Variants in RNF170 observed in about 807,000 individuals in gnomAD.
RNF170 encodes ring finger protein 170.
In RNF170, 12 loss-of-function variants were observed where a neutral mutation model predicts 32.7. That is an observed-to-expected ratio of 0.37 (90% CI 0.24 to 0.60). The LOEUF is 0.60. RNF170 is among the 20% of genes least tolerant of loss of function. The pLI is 0.72. For synonymous variants in RNF170, 91 were observed against 103.6 expected, an observed-to-expected ratio of 0.88 and a Z score of 0.74; for missense variants, 212 against 311.2, an observed-to-expected ratio of 0.68 and a Z score of 2.40.
At chr8:42,868,843 C>G (rs1454271637) in intron 4 of RNF170, among the ~76,000 whole-genome samples, 2 of 144,116 alleles carry the variant, frequency 1.4e-5, no homozygotes, top group Non-Finnish European at 3.0e-5. Context: ...CAAGGCGAGA[C>G]TGCATTTCAA....
intron 3 of RNF170, among the ~76,000 whole-genome samples, chr8:42,870,648 G>A (rs888488712): frequency 6.6e-6 from 1 of 151,874 alleles, no homozygotes; most frequent in Non-Finnish European, 1.5e-5. Context: ...GAGGTCACCT[G>A]AGCCTGGGAG....
At chr8:42,865,280 T>C (rs983592789) in intron 5 of RNF170, 136 bp downstream of exon 5, 17 of 531,062 alleles carry the variant, frequency 3.2e-5, no homozygotes, top group Non-Finnish European at 5.0e-5. Context: ...TAATAATATA[T>C]GGTGACATCA....
chr8:42,880,363 G>A (rs1805294256), intron 2 of RNF170, among the ~76,000 whole-genome samples: 2 of 152,214 alleles, frequency 1.3e-5, no homozygotes, highest in Non-Finnish European at 2.9e-5. Context: ...CTCCAGTTTT[G>A]AAAAGAAAGC....
downstream of RNF170, chr8:42,850,634 A>G: frequency 1.2e-6 from 1 of 841,654 alleles, no homozygotes; most frequent in South Asian, 1.7e-5. Context: ...TCTAGTGAGA[A>G]GCAGACAGAC....
At chr8:42,878,077 G>A (rs986050684) in intron 2 of RNF170, among the ~76,000 whole-genome samples, 1 of 151,214 alleles carries the variant, frequency 6.6e-6, no homozygotes, top group East Asian at 2.0e-4. Context: ...ATCAATCAAC[G>A]TTGTGTATGC....
intron 2 of RNF170, among the ~76,000 whole-genome samples, chr8:42,885,987 C>T (rs1056430952): frequency 1.3e-5 from 2 of 152,082 alleles, no homozygotes; most frequent in African/African-American, 4.8e-5. Flanking sequence ...TTTTGGGAGG[C>T]CGAGGTGGGC....
At chr8:42,887,640 T>A (rs931190573) in intron 2 of RNF170, 88 bp downstream of exon 2, 1 of 1,164,826 alleles carries the variant, frequency 8.6e-7, no homozygotes, top group Non-Finnish European at 1.3e-6. Flanking sequence ...TGTTACTTGC[T>A]GTTCATATTA....
chr8:42,887,607 A>C (rs1399499963), intron 2 of RNF170, 121 bp downstream of exon 2: 2 of 919,632 alleles, frequency 2.2e-6, no homozygotes, highest in East Asian at 4.8e-5. Context: ...ATACCTTAGT[A>C]AACATCTACA....
chr8:42,851,136 A>C, downstream of RNF170: 4 of 1,241,628 alleles, frequency 3.2e-6, no homozygotes, highest in Non-Finnish European at 4.4e-6. Flanking sequence ...GGGCTCTACC[A>C]CCACAGCCCC....
At position 42,857,249 on chromosome 8, in the gene RNF170, T is replaced by C. The variant is rs142225832; in HGVS notation, c.508-821A>G. Among the ~76,000 whole-genome samples the C allele has an allele frequency of 7.5e-3, 1,149 of 152,238 alleles. 9 individuals are homozygous for C. Among genetic ancestry groups the C allele is most frequent in the Middle Eastern group, 0.034 (10 of 294 alleles). ...AAGAACTGAGCAAGTGAGGAGAAAA[T>C]AGTTTTTGAAACCCCCAGACTAAGA... On this transcript the variant is annotated intron_variant, in intron 6 of 6. Transcript: ENST00000527424.
At chr8:42,891,728 C>T (rs1250807545) in intron 1 of RNF170, among the ~76,000 whole-genome samples, 1 of 152,120 alleles carries the variant, frequency 6.6e-6, no homozygotes, top group Admixed American at 6.6e-5. Context: ...TCGATTTTGA[C>T]CTTTTAAATT....
At chr8:42,894,054 G>A (rs151283892) in intron 1 of RNF170, among the ~76,000 whole-genome samples, 9 of 152,306 alleles carry the variant, frequency 5.9e-5, no homozygotes, top group African/African-American at 1.9e-4. Flanking sequence ...GAACAAAGGA[G>A]AGAATCTCAG....
At chr8:42,860,475 T>C (rs1280962339) in intron 6 of RNF170, among the ~76,000 whole-genome samples, 1 of 151,996 alleles carries the variant, frequency 6.6e-6, no homozygotes, top group Non-Finnish European at 1.5e-5. Flanking sequence ...CAGGCTGGAG[T>C]GCAGTGGCGT....
At chr8:42,853,233 T>C (rs922723882), downstream of RNF170, 1 of 688,018 alleles carries the variant, frequency 1.5e-6, no homozygotes, top group Non-Finnish European at 2.0e-6. Flanking sequence ...ACCATTATAC[T>C]GAATGCTCTT....
At chr8:42,882,507 C>T (rs1805495853) in intron 2 of RNF170, among the ~76,000 whole-genome samples, 1 of 152,134 alleles carries the variant, frequency 6.6e-6, no homozygotes, top group Admixed American at 6.6e-5. Context: ...CAGGTGTGAG[C>T]ACCATACCCA....
chr8:42,867,775 CAAAA>C (rs1054907767), intron 4 of RNF170, among the ~76,000 whole-genome samples: 4 of 24,768 alleles, frequency 1.6e-4, no homozygotes, highest in South Asian at 3.7e-3. Context: ...GACTCCATCT[CAAAA>C]AAAAAAAAAA....
intron 2 of RNF170, among the ~76,000 whole-genome samples, chr8:42,880,766 T>C (rs1470290317): frequency 6.6e-6 from 1 of 151,554 alleles, no homozygotes; most frequent in African/African-American, 2.4e-5. Flanking sequence ...TGATACTCTG[T>C]CTCAAAAAAA....
rs765873655 is a variant in RNF170 at position 42,855,911 on chromosome 8, A to C, written c.*248T>G. On this transcript the variant is annotated 3_prime_UTR_variant, in exon 7 of 7. Transcript: ENST00000527424. ...TTTTATATAATTCCATATTTTTTCC[A>C]GACAACATAGAATCAAGATACAACT... The C allele has an allele frequency of 7.9e-7, 1 of 1,269,340 alleles. No homozygotes were observed. The highest frequency in any genetic ancestry group is 1.0e-6 in the Non-Finnish European group (1 of 967,986). The allele number at this position is 1,269,340 out of a possible 1,614,324, so 78.6% of individuals were successfully genotyped here. A position where few individuals can be genotyped will look rare whatever the true frequency, so the allele number is the denominator to read the frequency against.
intron 2 of RNF170, among the ~76,000 whole-genome samples, chr8:42,886,470 T>C (rs1805834376): frequency 6.6e-6 from 1 of 152,082 alleles, no homozygotes; most frequent in Non-Finnish European, 1.5e-5. Flanking sequence ...ATCAAGATAA[T>C]GTTACCCTAA....
Sources: gnomAD v4.1 joint callset for allele counts (sites outside exome capture counted in the v4.1 genomes callset) on GRCh38, gnomAD v4.1.1 for gene constraint, MANE v1.5 for transcripts, NCBI Gene and HGNC (gene_info 2026-07-23, HGNC 2026-07-21) for gene names.